DCC: variants seen among roughly 807,000 people sequenced by gnomAD.
The protein encoded by DCC is netrin receptor DCC.
Under a neutral mutation model 172.5 loss-of-function variants are expected in DCC, and 58 were observed. The ratio of observed to expected loss-of-function variants is 0.34; its 90% CI spans 0.27 to 0.42. DCC has a LOEUF of 0.42. DCC is among the 10% of genes least tolerant of loss of function. DCC has a pLI of 1.00. For synonymous variants in DCC, 709 were observed against 644.5 expected (o/e 1.10, Z -1.52); for missense variants, 1,740 against 1,791.0 (o/e 0.97, Z 0.51).
chr18:53,230,579 C>T (rs1321461496), intron 12 of DCC, among the ~76,000 whole-genome samples: 1 of 151,862 alleles, frequency 6.6e-6, no homozygotes, highest in Non-Finnish European at 1.5e-5. Flanking sequence ...ACTGATATTC[C>T]TTAAGAAGCC....
At chr18:53,040,358 G>A (rs2042153264) in intron 5 of DCC, among the ~76,000 whole-genome samples, 1 of 151,912 alleles carries the variant, frequency 6.6e-6, no homozygotes, top group South Asian at 2.1e-4. Context: ...CTATTTCTCT[G>A]TATTCTGTAA....
At chr18:52,365,786 TCA>T (rs2144282166) in intron 1 of DCC, among the ~76,000 whole-genome samples, 1 of 152,192 alleles carries the variant, frequency 6.6e-6, no homozygotes, top group East Asian at 1.9e-4. Flanking sequence ...GTTTTGATTG[TCA>T]CACAATCTCT....
At chr18:52,396,363 T>C (rs1986231158) in intron 1 of DCC, among the ~76,000 whole-genome samples, 1 of 131,782 alleles carries the variant, frequency 7.6e-6, no homozygotes, top group Non-Finnish European at 1.5e-5. Context: ...AAATCAACAA[T>C]TTGAGCTCCT....
chr18:52,972,247 T>A (rs1321598443), intron 5 of DCC, among the ~76,000 whole-genome samples: 1 of 152,306 alleles, frequency 6.6e-6, no homozygotes, highest in Admixed American at 6.5e-5. Context: ...AACACATTTA[T>A]CATACTTATC....
rs1003555664 is a variant in DCC at position 53,223,918 on chromosome 18, C to A, written c.1911+8321C>A. ...TTTCCCAAAGGTATTTTGTGCCTGG[C>A]AATGTGCTAAGCAATGAAAGCAGAA... On this transcript the variant is annotated intron_variant, in intron 12 of 28. Transcript: ENST00000442544. Among the ~76,000 whole-genome samples, 6 of 152,226 alleles carry A rather than the reference C, an allele frequency of 3.9e-5. No homozygotes were observed. The South Asian group carries it at 8.3e-4, about 21-fold the overall frequency.
At chr18:52,943,148 A>G (rs2040489909) in intron 5 of DCC, among the ~76,000 whole-genome samples, 1 of 152,224 alleles carries the variant, frequency 6.6e-6, no homozygotes, top group African/African-American at 2.4e-5. Context: ...CTCAGAAGAT[A>G]GAAGCACTAT....
At chr18:52,886,191 A>G (rs2039566877) in intron 2 of DCC, among the ~76,000 whole-genome samples, 1 of 152,014 alleles carries the variant, frequency 6.6e-6, no homozygotes, top group Admixed American at 6.6e-5. Context: ...TGCCATCCGA[A>G]TCTACTGGCT....
intron 5 of DCC, among the ~76,000 whole-genome samples, chr18:52,930,338 A>T (rs1252230736): frequency 1.7e-4 from 26 of 152,134 alleles, no homozygotes; most frequent in Non-Finnish European, 1.5e-5. Flanking sequence ...TTGCACCTGT[A>T]GTCCCAGCTA....
chr18:52,589,250 C>G (rs1003690637), intron 1 of DCC, among the ~76,000 whole-genome samples: 5 of 152,146 alleles, frequency 3.3e-5, no homozygotes, highest in Admixed American at 1.3e-4. Context: ...TAGAATGATA[C>G]TTCAGAGAAA....
intron 2 of DCC, among the ~76,000 whole-genome samples, chr18:52,856,574 C>T (rs529091828): frequency 7.8e-6 from 1 of 127,624 alleles, no homozygotes; most frequent in African/African-American, 2.9e-5. Context: ...TGCAGTGAGC[C>T]GGGATTGCGC....
At chr18:52,783,324 T>C (rs1184029391) in intron 2 of DCC, among the ~76,000 whole-genome samples, 1 of 10,592 alleles carries the variant, frequency 9.4e-5, no homozygotes, top group Non-Finnish European at 2.7e-4. Context: ...ACTACTACTC[T>C]TTTTTTTTTT....
At chr18:52,394,317 A>G (rs556658954) in intron 1 of DCC, among the ~76,000 whole-genome samples, 3 of 152,152 alleles carry the variant, frequency 2.0e-5, no homozygotes, top group South Asian at 2.1e-4. Flanking sequence ...CCCAGGCTGG[A>G]GTGCAGAAGT....
intron 13 of DCC, among the ~76,000 whole-genome samples, chr18:53,308,083 T>C (rs1443736700): frequency 6.6e-6 from 1 of 151,302 alleles, no homozygotes; most frequent in Non-Finnish European, 1.5e-5. Flanking sequence ...TTTTGCAAAG[T>C]TTTTAGCTAG....
At chr18:53,128,868 CACATATATAT>C (rs1568321246) in intron 7 of DCC, among the ~76,000 whole-genome samples, 2 of 57,418 alleles carry the variant, frequency 3.5e-5, no homozygotes, top group Middle Eastern at 7.7e-3. Flanking sequence ...CACACACACA[CACATATATAT>C]ATATATATAT....
intron 1 of DCC, among the ~76,000 whole-genome samples, chr18:52,656,438 A>G (rs948013661): frequency 1.3e-5 from 2 of 152,166 alleles, no homozygotes; most frequent in African/African-American, 4.8e-5. Flanking sequence ...TCCAAACTGT[A>G]GGAAATAAAT....
Position 52,594,263 on chromosome 18 carries a change from G to C in DCC, c.92-157791G>C, listed in dbSNP as rs1295272770. Among the ~76,000 whole-genome samples, 3 of 152,154 alleles carry C rather than the reference G, an allele frequency of 2.0e-5. No homozygotes were observed. In the East Asian group the frequency reaches 5.8e-4, roughly 29 times the overall value. ...GCTGGCTCTTTAAAATTCTTAGAAT[G>C]TTCTAGATTTATTCCATCATTAGTA... On this transcript the variant is annotated intron_variant, in intron 1 of 28. Transcript: ENST00000442544.
chr18:52,930,233 G>T (rs1425764856), intron 5 of DCC, among the ~76,000 whole-genome samples: 1 of 151,858 alleles, frequency 6.6e-6, no homozygotes, highest in Non-Finnish European at 1.5e-5. Flanking sequence ...CCAAGGTTCT[G>T]GGATTACAGG....
At chr18:53,406,703 C>CAAAAAAA (rs35372678) in intron 19 of DCC, among the ~76,000 whole-genome samples, 12 of 92,312 alleles carry the variant, frequency 1.3e-4, no homozygotes, top group Non-Finnish European at 2.3e-4. Flanking sequence ...GACTCTGTCT[C>CAAAAAAA]AAAAAAAAAA....
At chr18:52,586,112 A>G (rs1184372335) in intron 1 of DCC, among the ~76,000 whole-genome samples, 7 of 150,766 alleles carry the variant, frequency 4.6e-5, no homozygotes, top group Non-Finnish European at 1.5e-5. Context: ...AAAAAAACAA[A>G]AACACTGTCA....
Sources: allele counts gnomAD v4.1 joint callset (sites outside exome capture counted in the v4.1 genomes callset), GRCh38; gene constraint gnomAD v4.1.1; transcripts MANE v1.5; gene names NCBI Gene and HGNC (gene_info 2026-07-23, HGNC 2026-07-21).